The following PABPC4 variants were observed in gnomAD, a reference collection of about 807,000 sequenced individuals.
PABPC4 encodes the protein polyadenylate-binding protein 4.
In PABPC4, 15 loss-of-function variants were observed where a neutral mutation model predicts 74.5. That is an observed-to-expected ratio of 0.20 (90% CI 0.13 to 0.31). The LOEUF is 0.31. Ranked by LOEUF, PABPC4 falls within the 10% of genes least tolerant of loss-of-function variation. The probability of loss-of-function intolerance (pLI) is 1.00; values close to 1 mark genes in which losing one functional copy is unlikely to be tolerated. For missense variants in PABPC4, 610 were observed against 853.5 expected, an observed-to-expected ratio of 0.71 and a Z score of 3.55; for synonymous variants, 345 against 303.0, an observed-to-expected ratio of 1.14 and a Z score of -1.44.
chr1:39,567,556 G>A, intron 7 of PABPC4, 195 bp downstream of exon 7: 1 of 682,460 alleles, frequency 1.5e-6, no homozygotes, highest in South Asian at 1.4e-5. Flanking sequence ...CCAGACTCCA[G>A]TGCTTGGGAA....
chr1:39,576,201 T>G lies in PABPC4; in HGVS notation c.-250A>C. ...TACGGCCCTCCCCGCGACTTTGCAC[T>G]TCTCCGCGGTCCTGGTGCGAAGCTC... is the stretch of plus-strand genomic sequence containing the variant. On this transcript the variant is annotated 5_prime_UTR_variant, in exon 1 of 16. Coordinates refer to ENST00000372858, the MANE Select transcript of PABPC4 (RefSeq NM_001135653.2). 1 of 400,758 alleles carries G rather than the reference T, an allele frequency of 2.5e-6. No individual in the cohort carries two copies. Among genetic ancestry groups the G allele is most frequent in the Non-Finnish European group, 4.4e-6 (1 of 226,428 alleles). The allele number at this position is 400,758 out of a possible 1,614,324, so 24.8% of individuals were successfully genotyped here.
chr1:39,575,608 G>C (rs1646013533), intron 1 of PABPC4, 151 bp downstream of exon 1: 1 of 583,904 alleles, frequency 1.7e-6, no homozygotes, highest in African/African-American at 1.9e-5. Flanking sequence ...TCTGATGCCA[G>C]GTCCGCGTTC....
At chr1:39,565,541 A>G (rs950034649) in intron 7 of PABPC4, among the ~76,000 whole-genome samples, 163 bp from the exon 8 acceptor site, 8 of 151,788 alleles carry the variant, frequency 5.3e-5, no homozygotes, top group Non-Finnish European at 1.0e-4. Context: ...ATCTCAAAAA[A>G]ACAAAGGGCC....
chr1:39,565,842 AC>A, intron 7 of PABPC4, among the ~76,000 whole-genome samples: 1 of 146,998 alleles, frequency 6.8e-6, no homozygotes, highest in Middle Eastern at 3.4e-3. Context: ...ACAAAACAAA[AC>A]AAAACAAAAC....
At chr1:39,568,054 G>C (rs560547517) in intron 6 of PABPC4, 1 of 435,130 alleles carries the variant, frequency 2.3e-6, no homozygotes, top group Admixed American at 3.9e-5. Context: ...TCAGGAGATC[G>C]AGACCATCCT....
In PABPC4 at chr1:39,564,327, A is replaced by AATC. The variant is rs1645803630; in HGVS notation, c.1453+95_1453+96insGAT. 3.5e-6 allele frequency: 5 copies of AATC among 1,418,146 alleles called. No homozygotes were observed. The South Asian group carries it at 6.7e-5, about 19-fold the overall frequency. 87.8% of individuals were successfully genotyped at this position (1,418,146 alleles called of 1,614,324 possible). A position where few individuals can be genotyped will look rare whatever the true frequency, so the allele number is the denominator to read the frequency against. On this transcript the variant is annotated intron_variant, in intron 10 of 15. Transcript: ENST00000372858. Reference sequence around the variant, plus strand: ...TAAGATTACAGAACCAGGACTCGATAAATTCGAGCCCAACAAACTGACCAA... The same window carrying AATC: ...TAAGATTACAGAACCAGGACTCGATAATCAATTCGAGCCCAACAAACTGACCAA...
At position 39,568,665 on chromosome 1, in the gene PABPC4, T is replaced by C. The variant is rs145518902; in HGVS notation, c.876+137A>G. On this transcript the variant is annotated intron_variant, in intron 6 of 15. Coordinates refer to ENST00000372858, the MANE Select transcript of PABPC4 (RefSeq NM_001135653.2). ...CATATGTAGTAGGTATATATCCTTT[T>C]AAACCTCATCTTTTTAGGTAAAATG... 3.7e-4 allele frequency: 294 copies of C among 793,682 alleles called. No individual in the cohort carries two copies. In the African/African-American group the frequency reaches 3.9e-3, roughly 11 times the overall value. 49.2% of individuals were successfully genotyped at this position (793,682 alleles called of 1,614,324 possible). A position where few individuals can be genotyped will look rare whatever the true frequency, so the allele number is the denominator to read the frequency against.
Position 39,560,835 on chromosome 1 carries a change from C to T in PABPC4, c.*301G>A. 6.0e-6 allele frequency: 1 copy of T among 167,752 alleles called. No individual in the cohort carries two copies. The allele number at this position is 167,752 out of a possible 1,614,324, so 10.4% of individuals were successfully genotyped here. ...AGGCAGTTTTATGGAGATTTTTTTT[C>T]TTTATTGGGAAACGTAAGACTTGGG... On this transcript the variant is annotated 3_prime_UTR_variant, in exon 16 of 16. Coordinates refer to ENST00000372858, the MANE Select transcript of PABPC4 (RefSeq NM_001135653.2).
intron 7 of PABPC4, among the ~76,000 whole-genome samples, chr1:39,566,103 A>G (rs1053324396): frequency 1.3e-5 from 2 of 152,212 alleles, no homozygotes; most frequent in Non-Finnish European, 2.9e-5. Context: ...AAGTTCTGAA[A>G]CACTATGATA....
Position 39,569,867 on chromosome 1 carries a change from C to T in PABPC4, c.639G>A (p.Gln213=). The T allele has an allele frequency of 1.2e-6, 2 of 1,613,912 alleles. No homozygotes were observed. The highest frequency in any genetic ancestry group is 1.7e-6 in the Non-Finnish European group (2 of 1,179,938). The part of the protein sequence containing the change: ...DDESLKELFS[Q]FGKTLSVKVM... Reference sequence around the variant, plus strand: ...AGACAAGGAACCCCAACTTACCAAACTGACTGAATAGCTCTTTCAGACTCT... The same window carrying T: ...AGACAAGGAACCCCAACTTACCAAATTGACTGAATAGCTCTTTCAGACTCT... The change falls in exon 4 of 16, where the codon CAG becomes CAA. Residue 213 remains glutamine, a synonymous_variant. Coordinates refer to ENST00000372858, the MANE Select transcript of PABPC4 (RefSeq NM_001135653.2).
Position 39,565,099 on chromosome 1 carries a change from C to T in PABPC4, c.1245+7G>A. On this transcript the variant is annotated splice_region_variant and intron_variant, in intron 8 of 15. Transcript: ENST00000372858. ...TCCCAAGAGCTGTGACCAAACAGCA[C>T]ACCCACCTGTGGGACTGCTGGCACA... 1.2e-6 allele frequency: 2 copies of T among 1,613,226 alleles called. No individual in the cohort carries two copies. The highest frequency in any genetic ancestry group is 1.7e-6 in the Non-Finnish European group (2 of 1,179,764).
rs759841046 is a variant in PABPC4 at position 39,561,672 on chromosome 1, T to C, written c.*13+13A>G. ...ATGCTCATAGGAACAAAAATGAAAA[T>C]AGCCACACATACGGTTTTTCCTTGT... On this transcript the variant is annotated intron_variant, in intron 15 of 15. Transcript: ENST00000372858. The C allele has an allele frequency of 5.1e-6, 8 of 1,576,662 alleles. No homozygotes were observed. In the East Asian group the frequency reaches 1.3e-4, roughly 26 times the overall value.
rs1172107833 is a variant in PABPC4 at position 39,563,608 on chromosome 1, C to A, written c.1668+6G>T. The A allele has an allele frequency of 6.2e-7, 1 of 1,610,354 alleles. No homozygotes were observed. Among genetic ancestry groups the A allele is most frequent in the South Asian group, 1.1e-5 (1 of 90,618 alleles). On this transcript the variant is annotated splice_donor_region_variant and intron_variant, in intron 12 of 15. Coordinates refer to ENST00000372858, the MANE Select transcript of PABPC4 (RefSeq NM_001135653.2). ...CCTTTTAAGCATTCTGTCTGGTGAA[C>A]CTCACCTGCAGAGGCTGTATGGCAG...
chr1:39,575,121 G>A (rs1646005041), intron 1 of PABPC4, among the ~76,000 whole-genome samples: 1 of 152,194 alleles, frequency 6.6e-6, no homozygotes, highest in South Asian at 2.1e-4. Context: ...ACAGAGCCTG[G>A]ATACCATTTG....
At chr1:39,569,284 A>G (rs952603290) in intron 5 of PABPC4, among the ~76,000 whole-genome samples, 1 of 152,232 alleles carries the variant, frequency 6.6e-6, no homozygotes, top group Non-Finnish European at 1.5e-5. Context: ...CTTTGCCCAC[A>G]AGTAGCTGCC....
At chr1:39,561,604 T>C (rs1420694865) in intron 15 of PABPC4, 81 bp downstream of exon 15, 5 of 936,668 alleles carry the variant, frequency 5.3e-6, no homozygotes, top group East Asian at 2.4e-5. Context: ...TGAGCATATA[T>C]ACAACCTCAG....
chr1:39,563,978 C>T (rs980705547), intron 10 of PABPC4, 56 bp from the exon 11 acceptor site: 9 of 1,519,350 alleles, frequency 5.9e-6, no homozygotes, highest in Non-Finnish European at 8.2e-6. Context: ...CAACTGGCCA[C>T]GTCCCACGGA....
chr1:39,567,184 A>G (rs573938525), intron 7 of PABPC4, among the ~76,000 whole-genome samples: 45 of 152,202 alleles, frequency 3.0e-4, no homozygotes, highest in Admixed American at 5.2e-4. Context: ...AAAATTCCTT[A>G]TCTTTAAAAT....
chr1:39,570,972 T>C (rs1047062036), intron 3 of PABPC4: 4 of 1,138,162 alleles, frequency 3.5e-6, no homozygotes, highest in South Asian at 1.6e-5. Context: ...GCCCCAGTTG[T>C]TGATGCTCAC....
Sources: allele counts gnomAD v4.1 joint callset (sites outside exome capture counted in the v4.1 genomes callset), GRCh38; gene constraint gnomAD v4.1.1; transcripts MANE v1.5; gene names NCBI Gene and HGNC (gene_info 2026-07-23, HGNC 2026-07-21).